The following RHOBTB3 variants were observed in gnomAD, a reference collection of about 807,000 sequenced individuals.
The protein encoded by RHOBTB3 is rho-related BTB domain-containing protein 3.
In RHOBTB3, 47 loss-of-function variants were observed where a neutral mutation model predicts 67.2. The observed-to-expected ratio is 0.70, with a 90% CI of 0.55 to 0.89. The LOEUF (loss-of-function observed/expected upper bound fraction) is 0.89, where lower values mean the gene tolerates loss of function less well. Ranked by LOEUF, RHOBTB3 falls within the 40% of genes least tolerant of loss-of-function variation. RHOBTB3 has a pLI of 0.00. For synonymous variants in RHOBTB3, 273 were observed against 274.2 expected (o/e 1.00, Z 0.04); for missense variants, 631 against 750.0 (o/e 0.84, Z 1.85).
chr5:95,719,635 T>C (rs1458015878), intron 1 of RHOBTB3: 1 of 152,250 alleles, frequency 6.6e-6, no homozygotes, highest in Non-Finnish European at 1.5e-5. Context: ...CATGCAATTA[T>C]TTGCATACCT....
rs754196974 is a variant in RHOBTB3, at chr5:95,755,677, T to G, written c.964T>G (p.Ser322Ala). 6.2e-7 allele frequency: 1 copy of G among 1,614,190 alleles called. No individual in the cohort carries two copies. The highest frequency in any genetic ancestry group is 8.5e-7 in the Non-Finnish European group (1 of 1,180,016). ...ATTTCCAGGTGCTAGCCATGAATCTTCAGGCAACCCACCATTACGAGTCAT... is the reference window on the plus strand; with the variant it reads ...ATTTCCAGGTGCTAGCCATGAATCTGCAGGCAACCCACCATTACGAGTCAT... Reference protein sequence around the residue: ...TAFPGASHESSGNPPLRVIVK... With the variant: ...TAFPGASHESAGNPPLRVIVK... Residue 322 changes from serine to alanine, a missense_variant, in exon 6 of 12, where the codon TCA becomes GCA. Coordinates refer to ENST00000379982, the MANE Select transcript of RHOBTB3 (RefSeq NM_014899.4).
At position 95,755,436 on chromosome 5, in the gene RHOBTB3, C is replaced by T. The variant is rs1186584527; in HGVS notation, c.723C>T (p.Asn241=). The part of the protein sequence containing the change: ...PVLKAEASHY[N]SDLNNLLFCC... ...TAAAGGCTGAAGCGTCACATTATAA[C>T]TCTGACTTAAATAACTTGCTGTTCT... Residue 241 remains asparagine (N), a synonymous_variant, in exon 6 of 12, where the codon AAC becomes AAT. Coordinates refer to ENST00000379982, the MANE Select transcript of RHOBTB3 (RefSeq NM_014899.4). 3 of 1,610,372 alleles carry T rather than the reference C, an allele frequency of 1.9e-6. No homozygotes were observed. Among genetic ancestry groups the T allele is most frequent in the Non-Finnish European group, 2.5e-6 (3 of 1,178,610 alleles).
At chr5:95,749,914 C>CT (rs1745040130) in intron 4 of RHOBTB3, among the ~76,000 whole-genome samples, 1 of 152,140 alleles carries the variant, frequency 6.6e-6, no homozygotes, top group Admixed American at 6.5e-5. Context: ...CTTCTGGCTC[C>CT]TTTTTTCTCT....
At chr5:95,753,099 T>C (rs1448311576) in intron 5 of RHOBTB3, among the ~76,000 whole-genome samples, 1 of 151,914 alleles carries the variant, frequency 6.6e-6, no homozygotes, top group Non-Finnish European at 1.5e-5. Context: ...GCCACTGCAC[T>C]GCACTCTGGC....
upstream of RHOBTB3, chr5:95,730,865 G>A: frequency 2.2e-6 from 1 of 455,548 alleles, no homozygotes; most frequent in Non-Finnish European, 4.4e-6. Flanking sequence ...CAGCTGTAGC[G>A]CATGTTGACA....
intron 8 of RHOBTB3, among the ~76,000 whole-genome samples, chr5:95,774,044 A>G (rs750425373): frequency 6.6e-6 from 1 of 152,228 alleles, no homozygotes; most frequent in Non-Finnish European, 1.5e-5. Flanking sequence ...AAAGTCATAT[A>G]CAATTGTTTT....
intron 7 of RHOBTB3, among the ~76,000 whole-genome samples, chr5:95,767,161 A>G (rs1352809357): frequency 6.6e-6 from 1 of 151,984 alleles, no homozygotes; most frequent in Non-Finnish European, 1.5e-5. Flanking sequence ...CAGTGAGCCA[A>G]TATCGCACCA....
intron 8 of RHOBTB3, among the ~76,000 whole-genome samples, chr5:95,777,029 T>G (rs1216879619): frequency 6.6e-6 from 1 of 152,204 alleles, no homozygotes; most frequent in Non-Finnish European, 1.5e-5. Flanking sequence ...TAATAGGTGA[T>G]CCTCAAATAT....
intron 3 of RHOBTB3, among the ~76,000 whole-genome samples, chr5:95,744,979 G>A (rs1252973159): frequency 6.6e-6 from 1 of 152,046 alleles, no homozygotes; most frequent in Non-Finnish European, 1.5e-5. Context: ...GCTGAGGTGG[G>A]AGGATCACTT....
rs776118895 is a variant in RHOBTB3 at position 95,752,335 on chromosome 5, C to G, written c.667C>G (p.Gln223Glu). Residue 223 changes from glutamine (Q) to glutamate (E), a missense_variant, in exon 5 of 12, where the codon CAA (glutamine) becomes GAA (glutamate). Coordinates refer to ENST00000379982, the MANE Select transcript of RHOBTB3 (RefSeq NM_014899.4). ...CTCCTTTCATGGAATTAGACCACCT[C>G]AACTTGAACAACCAGGTGCATTTCT... ...SNSFHGIRPP[Q>E]LEQPEKMPVL... The G allele has an allele frequency of 3.8e-6, 6 of 1,597,182 alleles. No homozygotes were observed. The highest frequency in any genetic ancestry group is 5.1e-6 in the Non-Finnish European group (6 of 1,169,834).
Position 95,731,442 on chromosome 5 carries a change from G to A in RHOBTB3, c.-241G>A, listed in dbSNP as rs953460882. On this transcript the variant is annotated 5_prime_UTR_variant, in exon 1 of 12. Coordinates refer to ENST00000379982, the MANE Select transcript of RHOBTB3 (RefSeq NM_014899.4). ...CGGTCCCGCGCCCGGCGATGTTCCC[G>A]GGCACTCCCTGAGTAGCGGCAGCTT... 49 of 1,204,316 alleles carry A rather than the reference G, an allele frequency of 4.1e-5. No homozygotes were observed. Among genetic ancestry groups the A allele is most frequent in the Admixed American group, 4.1e-4 (9 of 22,134 alleles). The allele number at this position is 1,204,316 out of a possible 1,614,324, so 74.6% of individuals were successfully genotyped here.
chr5:95,792,248 G>A (rs891799373), intron 11 of RHOBTB3, among the ~76,000 whole-genome samples: 13 of 152,204 alleles, frequency 8.5e-5, no homozygotes, highest in East Asian at 1.9e-4. Context: ...TTATCCGGGC[G>A]TGGTGACAGG....
At chr5:95,722,676 G>C (rs959213648) in intron 1 of RHOBTB3, among the ~76,000 whole-genome samples, 2 of 152,176 alleles carry the variant, frequency 1.3e-5, no homozygotes, top group Admixed American at 6.5e-5. Context: ...TTTTAGTAGA[G>C]GCAGGGTTTC....
chr5:95,787,440 C>T (rs531856265), intron 10 of RHOBTB3, among the ~76,000 whole-genome samples: 230 of 131,256 alleles, frequency 1.8e-3, no homozygotes, highest in African/African-American at 7.0e-3. Context: ...AATACTCTCA[C>T]ACTATACAGC....
chr5:95,784,053 G>A lies in RHOBTB3; in HGVS notation c.1623+90G>A, dbSNP rs941863974. 6.8e-6 allele frequency: 7 copies of A among 1,033,888 alleles called. No individual in the cohort carries two copies. The South Asian group carries it at 6.9e-5, about 10-fold the overall frequency. The allele number at this position is 1,033,888 out of a possible 1,614,324, so 64.0% of individuals were successfully genotyped here. On this transcript the variant is annotated intron_variant, in intron 10 of 11. Transcript: ENST00000379982. ...TAAAATTTATCATTTTTTAACATAC[G>A]TTAATACTAGTCTTAGTTTGGAAGT... is the stretch of plus-strand genomic sequence containing the variant.
chr5:95,775,406 G>GTATATATA (rs70978192), intron 8 of RHOBTB3, among the ~76,000 whole-genome samples: 1 of 144,198 alleles, frequency 6.9e-6, no homozygotes, highest in East Asian at 2.0e-4. Context: ...ATATATATGT[G>GTATATATA]TATATATATA....
intron 6 of RHOBTB3, among the ~76,000 whole-genome samples, chr5:95,756,383 A>T (rs774007686): frequency 1.3e-5 from 2 of 152,222 alleles, no homozygotes; most frequent in Admixed American, 6.5e-5. Context: ...CATATAGACC[A>T]CATTTTGTTT....
At chr5:95,785,054 T>A (rs1424286873) in intron 10 of RHOBTB3, among the ~76,000 whole-genome samples, 3 of 152,218 alleles carry the variant, frequency 2.0e-5, no homozygotes, top group African/African-American at 7.2e-5. Context: ...GCATGACAAC[T>A]TTTATCTCCA....
At chr5:95,791,474 T>C (rs1002526155) in intron 11 of RHOBTB3, among the ~76,000 whole-genome samples, 1 of 152,232 alleles carries the variant, frequency 6.6e-6, no homozygotes, top group Admixed American at 6.5e-5. Flanking sequence ...AACTTTTCTC[T>C]GGTTTTTAAT....
Sources: allele counts gnomAD v4.1 joint callset (sites outside exome capture counted in the v4.1 genomes callset), GRCh38; gene constraint gnomAD v4.1.1; transcripts MANE v1.5; gene names NCBI Gene and HGNC (gene_info 2026-07-23, HGNC 2026-07-21).